LIMS1: variants seen among roughly 807,000 people sequenced by gnomAD.
LIMS1 encodes the protein LIM zinc finger domain containing 1.
A neutral mutation model predicts 44.1 loss-of-function variants in LIMS1; 18 were observed. That is an observed-to-expected ratio of 0.41 (90% CI 0.28 to 0.61). LIMS1 has a LOEUF of 0.61. Ranked by LOEUF, LIMS1 falls within the 20% of genes least tolerant of loss-of-function variation. LIMS1 has a pLI of 0.32. For missense variants in LIMS1, 201 were observed against 422.0 expected (o/e 0.48, Z 4.59); for synonymous variants, 93 against 149.1 (o/e 0.62, Z 2.74).
intron 1 of LIMS1, among the ~76,000 whole-genome samples, chr2:108,579,893 A>G (rs1573364684): frequency 6.6e-6 from 1 of 152,216 alleles, no homozygotes; most frequent in East Asian, 1.9e-4. Flanking sequence ...AGAAGAGTTT[A>G]GGGAGGAAGG....
At chr2:108,662,455 A>G (rs1691446480) in intron 2 of LIMS1, 1 of 1,399,750 alleles carries the variant, frequency 7.1e-7, no homozygotes, top group Non-Finnish European at 9.6e-7. Flanking sequence ...TGTTATTCCA[A>G]AAGATGCGAT....
At chr2:108,556,234 A>C (rs1473003149) in intron 1 of LIMS1, among the ~76,000 whole-genome samples, 1 of 152,212 alleles carries the variant, frequency 6.6e-6, no homozygotes, top group African/African-American at 2.4e-5. Flanking sequence ...ACTTGGCATA[A>C]TGTCCCCAAG....
chr2:108,667,578 G>T (rs1434600300), intron 2 of LIMS1, among the ~76,000 whole-genome samples: 5 of 137,048 alleles, frequency 3.6e-5, no homozygotes, highest in Non-Finnish European at 6.1e-5. Flanking sequence ...ATACTGCTGG[G>T]CTACTTTTTA....
chr2:108,646,723 T>TTGAGACGGAG (rs1690089101), intron 1 of LIMS1, among the ~76,000 whole-genome samples: 1 of 152,166 alleles, frequency 6.6e-6, no homozygotes, highest in Non-Finnish European at 1.5e-5. Flanking sequence ...TTGTTTTGTT[T>TTGAGACGGAG]TGAGACGGAG....
intron 1 of LIMS1, among the ~76,000 whole-genome samples, chr2:108,634,893 A>G (rs568447825): frequency 6.6e-6 from 1 of 152,206 alleles, no homozygotes; most frequent in Non-Finnish European, 1.5e-5. Flanking sequence ...AAGTTCACTG[A>G]TCGCCTCAGT....
intron 1 of LIMS1, among the ~76,000 whole-genome samples, chr2:108,571,276 A>G (rs1685470499): frequency 6.6e-6 from 1 of 152,224 alleles, no homozygotes; most frequent in Non-Finnish European, 1.5e-5. Flanking sequence ...GAGAAGGAAG[A>G]TCTTTTTAAG....
At chr2:108,618,684 G>A (rs984829984) in intron 1 of LIMS1, among the ~76,000 whole-genome samples, 2 of 152,100 alleles carry the variant, frequency 1.3e-5, no homozygotes, top group African/African-American at 2.4e-5. Flanking sequence ...AATTAGCCAG[G>A]CGTGGTTGCG....
chr2:108,579,318 G>T (rs1034839855), intron 1 of LIMS1, among the ~76,000 whole-genome samples: 9 of 152,130 alleles, frequency 5.9e-5, no homozygotes, highest in Non-Finnish European at 8.8e-5. Flanking sequence ...TAAGTGGCAT[G>T]ATTAAGACTA....
At chr2:108,583,677 C>T (rs1341568162) in intron 1 of LIMS1, among the ~76,000 whole-genome samples, 2 of 145,238 alleles carry the variant, frequency 1.4e-5, no homozygotes, top group Non-Finnish European at 3.0e-5. Flanking sequence ...AGCATTTATC[C>T]TGTTATTTTG....
intron 1 of LIMS1, among the ~76,000 whole-genome samples, chr2:108,609,341 TG>T (rs1687458359): frequency 1.3e-5 from 2 of 152,170 alleles, no homozygotes; most frequent in Non-Finnish European, 2.9e-5. Flanking sequence ...CTTCCACAAC[TG>T]GTTGTCTCCA....
At chr2:108,561,545 T>C (rs1685111431) in intron 1 of LIMS1, among the ~76,000 whole-genome samples, 1 of 151,402 alleles carries the variant, frequency 6.6e-6, no homozygotes, top group South Asian at 2.1e-4. Context: ...CCTCATTTTA[T>C]TGCACTTCAC....
intron 1 of LIMS1, among the ~76,000 whole-genome samples, chr2:108,553,598 T>C (rs6747243): frequency 0.43 from 65,282 of 152,022 alleles, 15,404 homozygotes; most frequent in East Asian, 0.96. Flanking sequence ...GGTCTTCTCT[T>C]TGCTTGGAAG....
intron 1 of LIMS1, among the ~76,000 whole-genome samples, chr2:108,639,698 A>C (rs1689537505): frequency 6.6e-6 from 1 of 152,082 alleles, no homozygotes. Flanking sequence ...TGATTCACCC[A>C]CTTTGGCCTC....
chr2:108,597,270 G>A (rs990162476), intron 1 of LIMS1, among the ~76,000 whole-genome samples: 12 of 151,870 alleles, frequency 7.9e-5, no homozygotes, highest in African/African-American at 2.4e-4. Context: ...AACACTTAAC[G>A]ACATTCATAG....
At chr2:108,533,994 C>CG (rs1684016146), upstream of LIMS1, 1 of 153,084 alleles carries the variant, frequency 6.5e-6, no homozygotes, top group Non-Finnish European at 1.5e-5. Flanking sequence ...CTCCCACCCC[C>CG]GGGACGAAGG....
At chr2:108,534,352 C>T, upstream of LIMS1, 1 of 242,020 alleles carries the variant, frequency 4.1e-6, no homozygotes, top group Non-Finnish European at 7.8e-6. Context: ...CCCCTCCTTG[C>T]CCAGCCGCTC....
chr2:108,560,063 G>A (rs1373325442), intron 1 of LIMS1, among the ~76,000 whole-genome samples: 1 of 152,094 alleles, frequency 6.6e-6, no homozygotes, highest in South Asian at 2.1e-4. Context: ...CCTTTCCTGC[G>A]GGGAGTTGTT....
At chr2:108,592,460 T>A (rs1322185242) in intron 1 of LIMS1, among the ~76,000 whole-genome samples, 1 of 152,148 alleles carries the variant, frequency 6.6e-6, no homozygotes, top group Non-Finnish European at 1.5e-5. Flanking sequence ...TACCAATTTT[T>A]GTGTGTGGGA....
chr2:108,684,072 A>G lies in LIMS1; in HGVS notation c.*73A>G. The G allele has an allele frequency of 8.1e-6, 6 of 744,532 alleles. No individual in the cohort carries two copies. The South Asian group carries it at 1.1e-4, about 13-fold the overall frequency. The allele number at this position is 744,532 out of a possible 1,614,324, so 46.1% of individuals were successfully genotyped here. On this transcript the variant is annotated 3_prime_UTR_variant, in exon 10 of 10. Coordinates refer to ENST00000544547, the Ensembl canonical transcript of LIMS1. ...TACTTGTCTTGATCTACCCATATTT[A>G]AAGCTATATCTCAAAGCAGTTGAGA... is the stretch of plus-strand genomic sequence containing the variant.
Sources: gnomAD v4.1 joint callset for allele counts (sites outside exome capture counted in the v4.1 genomes callset) on GRCh38, gnomAD v4.1.1 for gene constraint, MANE v1.5 for transcripts, NCBI Gene and HGNC (gene_info 2026-07-23, HGNC 2026-07-21) for gene names.